GALK2: variants seen among roughly 807,000 people sequenced by gnomAD.
GALK2 encodes the protein galactokinase 2, also known as N-acetylgalactosamine kinase.
Under a neutral mutation model 52.4 loss-of-function variants are expected in GALK2, and 36 were observed. That is an observed-to-expected ratio of 0.69 (90% confidence interval 0.53 to 0.91). GALK2 has a LOEUF of 0.91. GALK2 is among the 40% of genes least tolerant of loss of function. The pLI is 0.00. For synonymous variants in GALK2, 176 were observed against 199.1 expected, an observed-to-expected ratio of 0.88 and a Z score of 0.98; for missense variants, 579 against 559.1, an observed-to-expected ratio of 1.04 and a Z score of -0.36.
At chr15:49,201,045 G>C (rs982786654) in intron 1 of GALK2, 117 bp from the exon 2 acceptor site, 1 of 483,488 alleles carries the variant, frequency 2.1e-6, no homozygotes, top group Non-Finnish European at 3.6e-6. Context: ...ATGGTGGCAG[G>C]CATATGGAGT....
chr15:49,171,197 C>G (rs1414582890), intron 1 of GALK2, among the ~76,000 whole-genome samples: 1 of 150,830 alleles, frequency 6.6e-6, no homozygotes, highest in African/African-American at 2.4e-5. Context: ...ATTCTCCTGT[C>G]TCAGCCTCCT....
At chr15:49,272,522 C>A (rs1252286917) in intron 5 of GALK2, among the ~76,000 whole-genome samples, 1 of 152,118 alleles carries the variant, frequency 6.6e-6, no homozygotes, top group African/African-American at 2.4e-5. Context: ...AACCAGTTCC[C>A]GGGTGACATC....
intron 4 of GALK2, among the ~76,000 whole-genome samples, chr15:49,237,450 T>A (rs141731693): frequency 6.6e-6 from 1 of 152,014 alleles, no homozygotes; most frequent in East Asian, 1.9e-4. Flanking sequence ...TAATACGTTG[T>A]TTTTTGTTTT....
intron 8 of GALK2, among the ~76,000 whole-genome samples, chr15:49,307,360 C>T (rs550751655): frequency 3.9e-5 from 6 of 152,190 alleles, no homozygotes; most frequent in South Asian, 2.1e-4. Flanking sequence ...TGGAAAAATA[C>T]GCTAGATTTC....
intron 5 of GALK2, among the ~76,000 whole-genome samples, chr15:49,278,648 G>A (rs1367714933): frequency 6.6e-6 from 1 of 152,170 alleles, no homozygotes; most frequent in Non-Finnish European, 1.5e-5. Context: ...GGTAATATAT[G>A]GTGGTGGTTA....
chr15:49,225,650 G>A (rs1251627420), intron 3 of GALK2, among the ~76,000 whole-genome samples: 1 of 152,188 alleles, frequency 6.6e-6, no homozygotes, highest in African/African-American at 2.4e-5. Flanking sequence ...GCCCTTCTCT[G>A]GTGCTGGCTT....
intron 1 of GALK2, among the ~76,000 whole-genome samples, chr15:49,183,660 G>A (rs370541308): frequency 1.2e-4 from 18 of 152,188 alleles, no homozygotes; most frequent in East Asian, 9.7e-4. Context: ...CCTGACCAAC[G>A]TGGAGAAACC....
downstream of GALK2, among the ~76,000 whole-genome samples, chr15:49,332,087 CCACACA>C (rs377139081): frequency 0.086 from 10,981 of 127,936 alleles, 520 homozygotes; most frequent in South Asian, 0.18. Context: ...TGCACACGTG[CCACACA>C]CACACACACA....
At chr15:49,341,235 T>C (rs1320621611) in intron 3 of GALK2, among the ~76,000 whole-genome samples, 1 of 152,216 alleles carries the variant, frequency 6.6e-6, no homozygotes. Context: ...TAGGATTTTT[T>C]TTGGCTATTT....
intron 2 of GALK2, among the ~76,000 whole-genome samples, chr15:49,215,954 A>G (rs1301393131): frequency 1.3e-5 from 2 of 152,234 alleles, no homozygotes; most frequent in Non-Finnish European, 2.9e-5. Flanking sequence ...ATATCGGCAC[A>G]AGGAGGTGCT....
chr15:49,365,474 G>T (rs576090571), intron 3 of GALK2: 2 of 863,072 alleles, frequency 2.3e-6, no homozygotes, highest in East Asian at 4.8e-5. Flanking sequence ...ATTGAAACAG[G>T]CATGATGCAC....
chr15:49,350,524 A>G (rs1388843850), intron 3 of GALK2, among the ~76,000 whole-genome samples: 1 of 152,150 alleles, frequency 6.6e-6, no homozygotes, highest in Non-Finnish European at 1.5e-5. Flanking sequence ...TACCAAGGTT[A>G]TAAGAATAGT....
At chr15:49,345,094 G>A (rs1345302873) in intron 3 of GALK2, among the ~76,000 whole-genome samples, 1 of 152,118 alleles carries the variant, frequency 6.6e-6, no homozygotes, top group Admixed American at 6.6e-5. Flanking sequence ...CAAAGTTATT[G>A]TGCTCTCTTG....
intron 5 of GALK2, among the ~76,000 whole-genome samples, chr15:49,277,329 C>T (rs1398854987): frequency 1.3e-4 from 19 of 141,954 alleles, no homozygotes; most frequent in Non-Finnish European, 2.3e-4. Context: ...CCACTACGCC[C>T]GGCTAATTTT....
intron 5 of GALK2, among the ~76,000 whole-genome samples, chr15:49,265,349 C>G (rs1322244564): frequency 6.6e-6 from 1 of 152,224 alleles, no homozygotes; most frequent in East Asian, 1.9e-4. Flanking sequence ...ATCAGCGAGG[C>G]TCCGTGGGCA....
At chr15:49,210,957 TCACA>T (rs764698505) in intron 2 of GALK2, among the ~76,000 whole-genome samples, 1 of 112,768 alleles carries the variant, frequency 8.9e-6, no homozygotes, top group Non-Finnish European at 1.8e-5. Context: ...ATGTTGGCTG[TCACA>T]CACACACACA....
In GALK2 at chr15:49,272,044, TCCATTGGCTCACCAGGGC is replaced by T. The variant is rs1426738013; in HGVS notation, c.505-9939_505-9922del. ...CAGTTCAGATATGCATAAATTGTGC[TCCATTGGCTCACCAGGGC>T]CCAATTTTGGGCACAGCCTGTTTCC... On this transcript the variant is annotated intron_variant, in intron 5 of 9. Transcript: ENST00000560031. Among the ~76,000 whole-genome samples, 6 of 152,310 alleles carry T rather than the reference TCCATTGGCTCACCAGGGC, an allele frequency of 3.9e-5. No homozygotes were observed. The South Asian group carries it at 8.3e-4, about 21-fold the overall frequency.
chr15:49,217,329 T>C lies in GALK2; in HGVS notation c.266+16T>C. 6.2e-7 allele frequency: 1 copy of C among 1,613,266 alleles called. No homozygotes were observed. The highest frequency in any genetic ancestry group is 8.5e-7 in the Non-Finnish European group (1 of 1,179,514). On this transcript the variant is annotated intron_variant, in intron 3 of 9. Coordinates refer to ENST00000560031, the MANE Select transcript of GALK2 (RefSeq NM_002044.4). ...CCTTGTATCCGTGAGTATTTAAAAT[T>C]GTTAGTGTGTGTGTATGTATGGTTC...
At chr15:49,366,801 C>G in intron 3 of GALK2, 1 of 568,196 alleles carries the variant, frequency 1.8e-6, no homozygotes, top group East Asian at 3.2e-5. Flanking sequence ...CTGGGATCGC[C>G]GCTGCTGCAG....
Sources: allele counts gnomAD v4.1 joint callset (sites outside exome capture counted in the v4.1 genomes callset), GRCh38; gene constraint gnomAD v4.1.1; transcripts MANE v1.5; gene names NCBI Gene and HGNC (gene_info 2026-07-23, HGNC 2026-07-21).